Variants in FASTKD5 observed in about 807,000 individuals in gnomAD.
FASTKD5 encodes FAST kinase domains 5.
FASTKD5 carries 30 observed loss-of-function variants against 44.0 expected under a neutral mutation model. The ratio of observed to expected loss-of-function variants is 0.68; its 90% confidence interval spans 0.51 to 0.93. The LOEUF (loss-of-function observed/expected upper bound fraction) is 0.93, where lower values mean the gene tolerates loss of function less well. Among genes scored for constraint, FASTKD5 ranks in the 40% least tolerant of loss-of-function variants. The pLI is 0.00. For missense variants in FASTKD5, 868 were observed against 908.2 expected (o/e 0.96, Z 0.57); for synonymous variants, 335 against 342.2 (o/e 0.98, Z 0.23).
intron 1 of FASTKD5, among the ~76,000 whole-genome samples, chr20:3,152,778 C>T (rs2066644805): frequency 1.3e-5 from 2 of 151,592 alleles, no homozygotes; most frequent in South Asian, 2.1e-4. Context: ...CGTGGTAGTG[C>T]GCCTGTAATC....
chr20:3,152,857 G>T (rs1050739346), intron 1 of FASTKD5, among the ~76,000 whole-genome samples: 5 of 151,044 alleles, frequency 3.3e-5, no homozygotes, highest in East Asian at 1.9e-4. Flanking sequence ...AGTGAGCTGA[G>T]ATCATACTAC....
Position 3,147,808 on chromosome 20 carries a change from T to A in FASTKD5, c.1263A>T (p.Arg421Ser). Residue 421 changes from arginine (R) to serine (S), a missense_variant, in exon 2 of 2, where the codon AGA becomes AGT. Arg to Ser is a moderately radical substitution (Grantham distance 110, BLOSUM62 -1). Coordinates refer to ENST00000380266, the MANE Select transcript of FASTKD5 (RefSeq NM_021826.5). ...CATCTTTACTTCGACAGTGTGCCAC[T>A]CTAGGAGGCAAAGACGCAGCCACTG... Reference protein sequence around the residue: ...MNAVAASLPPRVAHCRSKDVA... With the variant: ...MNAVAASLPPSVAHCRSKDVA... The A allele has an allele frequency of 1.9e-6, 3 of 1,614,172 alleles. No homozygotes were observed. Among genetic ancestry groups the A allele is most frequent in the Non-Finnish European group, 2.5e-6 (3 of 1,180,022 alleles).
In FASTKD5 at chr20:3,147,006, A is replaced by C; in HGVS notation, c.2065T>G (p.Cys689Gly). ...MEMAGLCPAA[C>G]MQTPRMKLAV... is the part of the protein sequence containing the mutation. ...AGCTTCATTCTTGGGGTCTGCATGC[A>C]GGCTGCGGGGCACAGGCCAGCCATC... Residue 689 changes from cysteine to glycine, a missense_variant, in exon 2 of 2, where the codon TGC (cysteine) becomes GGC (glycine). By Grantham distance (159) the Cys-to-Gly change is radical. Coordinates refer to ENST00000380266, the MANE Select transcript of FASTKD5 (RefSeq NM_021826.5). The C allele has an allele frequency of 6.2e-7, 1 of 1,614,192 alleles. No individual in the cohort carries two copies. The highest frequency in any genetic ancestry group is 8.5e-7 in the Non-Finnish European group (1 of 1,180,034).
rs1439744662 is a variant in FASTKD5, at chr20:3,149,839, G to A, written c.-190-579C>T. On this transcript the variant is annotated intron_variant, in intron 1 of 1. Coordinates refer to ENST00000380266, the MANE Select transcript of FASTKD5 (RefSeq NM_021826.5). This position sits in a 1 kb window ranked among gnomAD's most constrained non-coding sequence, Gnocchi z 4.1. ...TCAAGACCAGCCTGGCCAACAAGGC[G>A]AAATCCCGTCTCTATTAAAAATACA... Among the ~76,000 whole-genome samples, 4 of 152,008 alleles carry A rather than the reference G, an allele frequency of 2.6e-5. No homozygotes were observed. Among genetic ancestry groups the A allele is most frequent in the East Asian group, 1.9e-4 (1 of 5,174 alleles).
chr20:3,157,077 A>G (rs1019619379), intron 1 of FASTKD5, among the ~76,000 whole-genome samples: 1 of 150,322 alleles, frequency 6.7e-6, no homozygotes, highest in African/African-American at 2.5e-5. Context: ...TCTGGGCTAC[A>G]TGGCGAGACC....
chr20:3,147,456 G>A lies in FASTKD5; in HGVS notation c.1615C>T (p.Gln539Ter). Residue 539 changes from glutamine to a stop codon, truncating the protein, a stop_gained, in exon 2 of 2, where the codon CAA (glutamine) becomes TAA (stop). Coordinates refer to ENST00000380266, the MANE Select transcript of FASTKD5 (RefSeq NM_021826.5). LOFTEE classifies it high-confidence loss of function. ...TACCACAGCAATTCAGACCCCTCTT[G>A]CTGAAGGTGAGTACTAAGACGATTG... ...RGNRLSTHLQ[Q>*]EGSELLWYLA... 1 of 1,614,138 alleles carries A rather than the reference G, an allele frequency of 6.2e-7. No individual in the cohort carries two copies.
Position 3,147,330 on chromosome 20 carries a change from T to C in FASTKD5, c.1741A>G (p.Ile581Val). Residue 581 changes from isoleucine to valine, a missense_variant, in exon 2 of 2, where the codon ATT becomes GTT. Ile to Val is a conservative substitution (Grantham distance 29, BLOSUM62 3). Coordinates refer to ENST00000380266, the MANE Select transcript of FASTKD5 (RefSeq NM_021826.5). ...TCAGAAGATCGGGTATGAGGCAAAA[T>C]CATATGGTGCTTGACGTACTGGGGC... ...GGPQYVKHHM[I>V]LPHTRSSDLE... The C allele has an allele frequency of 6.2e-7, 1 of 1,614,092 alleles. No homozygotes were observed. The highest frequency in any genetic ancestry group is 8.5e-7 in the Non-Finnish European group (1 of 1,180,016).
intron 1 of FASTKD5, among the ~76,000 whole-genome samples, chr20:3,155,797 G>T (rs1163940436): frequency 2.0e-5 from 3 of 152,170 alleles, no homozygotes; most frequent in Non-Finnish European, 1.5e-5. Flanking sequence ...TAACAGAAAT[G>T]ATAACAAAAT....
Position 3,157,304 on chromosome 20 carries a change from C to T in FASTKD5, c.-191+2462G>A, listed in dbSNP as rs138332534. On this transcript the variant is annotated intron_variant, in intron 1 of 1. Transcript: ENST00000380266. ...CTCAGAGAGGAGTCTACCAGTACTG[C>T]GAAGGTGAAGCACTAGTGCAAAGGT... Among the ~76,000 whole-genome samples, 925 of 152,246 alleles carry T rather than the reference C, an allele frequency of 6.1e-3. 16 individuals carry two copies. Among genetic ancestry groups the T allele is most frequent in the African/African-American group, 0.021 (867 of 41,534 alleles).
chr20:3,154,791 CAAA>C (rs2122127344), intron 1 of FASTKD5, among the ~76,000 whole-genome samples: 1 of 151,700 alleles, frequency 6.6e-6, no homozygotes, highest in South Asian at 2.1e-4. Flanking sequence ...TTAGCCTAAC[CAAA>C]AATTATGAGC....
chr20:3,151,727 G>C (rs1001336092), intron 1 of FASTKD5: 8 of 151,952 alleles, frequency 5.3e-5, no homozygotes, highest in Non-Finnish European at 1.0e-4. Flanking sequence ...TTAATATTTA[G>C]ATGATAATTG....
rs2066727209 is a variant in FASTKD5 at position 3,159,778 on chromosome 20, A to C, written c.-203T>G. On this transcript the variant is annotated 5_prime_UTR_variant, in exon 1 of 2. Transcript: ENST00000380266. ...CGCCGCCACTCACCTGATCCTCCCG[A>C]AGGTGGGCGCCGCAACACCAAACCG... is the stretch of plus-strand genomic sequence containing the variant. 1 of 152,362 alleles carries C rather than the reference A, an allele frequency of 6.6e-6. No individual in the cohort carries two copies. Among genetic ancestry groups the C allele is most frequent in the African/African-American group, 2.4e-5 (1 of 41,480 alleles). The allele number at this position is 152,362 out of a possible 1,614,324, so 9.4% of individuals were successfully genotyped here.
At chr20:3,151,591 C>T (rs1407096627) in intron 1 of FASTKD5, 1 of 151,352 alleles carries the variant, frequency 6.6e-6, no homozygotes, top group Non-Finnish European at 1.5e-5. Flanking sequence ...AGTTTGAGAC[C>T]AGCCTGAACA....
rs780137995 is a variant in FASTKD5 at position 3,147,815 on chromosome 20, G to A, written c.1256C>T (p.Pro419Leu). 2.5e-6 allele frequency: 4 copies of A among 1,614,200 alleles called. No homozygotes were observed. In the Admixed American group the frequency reaches 6.7e-5, roughly 27 times the overall value. ...ACTTCGACAGTGTGCCACTCTAGGA[G>A]GCAAAGACGCAGCCACTGCATTCAT... is the stretch of plus-strand genomic sequence containing the variant. ...GVMNAVAASLPPRVAHCRSKD... is the reference protein window; with the variant it reads ...GVMNAVAASLLPRVAHCRSKD... Residue 419 changes from proline to leucine, a missense_variant, in exon 2 of 2, where the codon CCT becomes CTT. By Grantham distance (98) the Pro-to-Leu change is moderately conservative. Transcript: ENST00000380266.
chr20:3,153,364 C>A (rs1206520697), intron 1 of FASTKD5, among the ~76,000 whole-genome samples: 4 of 152,224 alleles, frequency 2.6e-5, no homozygotes, highest in Non-Finnish European at 5.9e-5. Context: ...TGTGCCAAGG[C>A]TTAGAGCCTT....
intron 1 of FASTKD5, among the ~76,000 whole-genome samples, chr20:3,158,500 C>G (rs192844164): frequency 3.0e-4 from 46 of 152,174 alleles, no homozygotes; most frequent in Non-Finnish European, 5.7e-4. Flanking sequence ...TTGAGACGGA[C>G]TCTCGCTCTC....
intron 1 of FASTKD5, among the ~76,000 whole-genome samples, chr20:3,153,084 CAAA>C (rs2066648387): frequency 6.6e-6 from 1 of 152,076 alleles, no homozygotes; most frequent in South Asian, 2.1e-4. Flanking sequence ...TTGAGTGGAA[CAAA>C]TAGCACATAA....
At chr20:3,155,114 G>T (rs1028861740) in intron 1 of FASTKD5, among the ~76,000 whole-genome samples, 8 of 151,768 alleles carry the variant, frequency 5.3e-5, no homozygotes, top group Non-Finnish European at 8.8e-5. Flanking sequence ...TGATGGCCAG[G>T]ATCAGTGAGT....
chr20:3,157,718 T>TA (rs2066701004), intron 1 of FASTKD5, among the ~76,000 whole-genome samples: 1 of 152,136 alleles, frequency 6.6e-6, no homozygotes, highest in Non-Finnish European at 1.5e-5. Flanking sequence ...TCCAGGCAGG[T>TA]AAAGAGAAGT....
Sources: allele counts gnomAD v4.1 joint callset (sites outside exome capture counted in the v4.1 genomes callset), GRCh38; gene constraint gnomAD v4.1.1; non-coding constraint Gnocchi (gnomAD v3.1); transcripts MANE v1.5; gene names NCBI Gene and HGNC (gene_info 2026-07-23, HGNC 2026-07-21).